CADM2: variants seen among roughly 807,000 people sequenced by gnomAD.
CADM2 encodes immunoglobulin superfamily member 4D.
In CADM2, 12 loss-of-function variants were observed where a neutral mutation model predicts 49.8. The ratio of observed to expected loss-of-function variants is 0.24; its 90% confidence interval spans 0.15 to 0.39. CADM2 has a LOEUF of 0.39. Ranked by LOEUF, CADM2 falls within the 10% of genes least tolerant of loss-of-function variation. The pLI, the probability that CADM2 is intolerant of heterozygous loss-of-function variation, is 1.00. For missense variants in CADM2, 378 were observed against 492.3 expected (o/e 0.77, Z 2.20); for synonymous variants, 214 against 175.4 (o/e 1.22, Z -1.74).
intron 2 of CADM2, among the ~76,000 whole-genome samples, chr3:85,766,631 AG>A (rs1176475097): frequency 6.6e-6 from 1 of 152,198 alleles, no homozygotes; most frequent in Non-Finnish European, 1.5e-5. Flanking sequence ...TTGCATAGGA[AG>A]GGAAAATAAA....
chr3:85,444,102 G>A (rs1315135113), intron 1 of CADM2, among the ~76,000 whole-genome samples: 1 of 151,946 alleles, frequency 6.6e-6, no homozygotes, highest in Admixed American at 6.6e-5. Flanking sequence ...AAATCTTATT[G>A]GCTCTGCTTT....
chr3:85,249,191 G>A lies in CADM2; in HGVS notation c.61+289523G>A, dbSNP rs538461466. ...CATTTGTAGTTTAATTAGTTCAAAT[G>A]TCTTCTGCCCCAAACCACATCTCTT... is the stretch of plus-strand genomic sequence containing the variant. On this transcript the variant is annotated intron_variant, in intron 1 of 9. Transcript: ENST00000383699. 4.5e-4 allele frequency among the ~76,000 whole-genome samples: 69 copies of A among 152,094 alleles called. 2 individuals carry two copies. The highest frequency in any genetic ancestry group is 8.2e-4 in the Non-Finnish European group (56 of 67,966).
At chr3:85,722,664 G>A (rs905289291) in intron 1 of CADM2, among the ~76,000 whole-genome samples, 1 of 152,140 alleles carries the variant, frequency 6.6e-6, no homozygotes, top group African/African-American at 2.4e-5. Context: ...TGCAAATAAT[G>A]TTAAAAATAT....
At chr3:85,583,815 TTTAAAGAGAA>T (rs985510231) in intron 1 of CADM2, among the ~76,000 whole-genome samples, 9 of 151,976 alleles carry the variant, frequency 5.9e-5, no homozygotes, top group Non-Finnish European at 1.3e-4. Context: ...ATTACATTTT[TTTAAAGAGAA>T]CCATTCAAAA....
chr3:85,592,042 A>T (rs1398368066), intron 1 of CADM2, among the ~76,000 whole-genome samples: 1 of 152,042 alleles, frequency 6.6e-6, no homozygotes, highest in Non-Finnish European at 1.5e-5. Context: ...GATGATTTTC[A>T]AATAAATATT....
At chr3:85,000,148 C>CTCTCTCTCTCTCTCTCTCT (rs11275888) in intron 1 of CADM2, among the ~76,000 whole-genome samples, 4 of 150,924 alleles carry the variant, frequency 2.7e-5, no homozygotes, top group Admixed American at 1.3e-4. Context: ...CTCTCTCTCT[C>CTCTCTCTCTCTCTCTCTCT]CCTGCCCCAG....
chr3:85,673,520 G>C (rs536164580), intron 1 of CADM2, among the ~76,000 whole-genome samples: 2 of 148,306 alleles, frequency 1.3e-5, no homozygotes, highest in Non-Finnish European at 3.0e-5. Flanking sequence ...GCCCAAAAAA[G>C]CCAAAATAAT....
At chr3:85,516,001 T>C (rs1247938725) in intron 1 of CADM2, among the ~76,000 whole-genome samples, 1 of 152,134 alleles carries the variant, frequency 6.6e-6, no homozygotes, top group East Asian at 1.9e-4. Flanking sequence ...GGAAAGGAAA[T>C]CAAATACAAC....
At chr3:85,714,873 A>G (rs908334984) in intron 1 of CADM2, among the ~76,000 whole-genome samples, 16 of 152,088 alleles carry the variant, frequency 1.1e-4, no homozygotes, top group African/African-American at 3.6e-4. Context: ...AGTACTAGTC[A>G]TCCATTATAA....
chr3:85,388,009 G>T (rs2034328793), intron 1 of CADM2, among the ~76,000 whole-genome samples: 1 of 152,138 alleles, frequency 6.6e-6, no homozygotes, highest in African/African-American at 2.4e-5. Flanking sequence ...TTTTCTTAGA[G>T]ACCCTGACAT....
chr3:85,521,822 T>C (rs970233887), intron 1 of CADM2, among the ~76,000 whole-genome samples: 1 of 152,064 alleles, frequency 6.6e-6, no homozygotes, highest in African/African-American at 2.4e-5. Context: ...GAAAAGGACA[T>C]AGAAAGCACT....
At chr3:85,414,414 C>T (rs1212405994) in intron 1 of CADM2, among the ~76,000 whole-genome samples, 6 of 152,138 alleles carry the variant, frequency 3.9e-5, no homozygotes, top group South Asian at 2.1e-4. Context: ...TTTAAATGGT[C>T]ATAGCAAGTA....
chr3:85,575,678 A>G (rs1221055201), intron 1 of CADM2, among the ~76,000 whole-genome samples: 1 of 152,262 alleles, frequency 6.6e-6, no homozygotes, highest in Non-Finnish European at 1.5e-5. Flanking sequence ...CTTAATGATT[A>G]TATGTGAAGA....
intron 5 of CADM2, among the ~76,000 whole-genome samples, chr3:85,908,167 G>C (rs1717050991): frequency 1.3e-5 from 2 of 150,466 alleles, no homozygotes; most frequent in Admixed American, 6.6e-5. Flanking sequence ...AGGAAAGATG[G>C]ATATGAAAGT....
chr3:86,012,401 A>C, intron 8 of CADM2, among the ~76,000 whole-genome samples: 1 of 152,168 alleles, frequency 6.6e-6, no homozygotes, highest in East Asian at 1.9e-4. Context: ...ACACACAATA[A>C]ATTACAATAA....
intron 8 of CADM2, chr3:86,014,040 G>A (rs35215849): frequency 0.17 from 222,273 of 1,329,766 alleles, 19,234 homozygotes; most frequent in South Asian, 0.23. Context: ...TTTAGAACTT[G>A]ACGATGTAAT....
At chr3:85,813,465 A>T (rs2073013525) in intron 3 of CADM2, among the ~76,000 whole-genome samples, 1 of 152,204 alleles carries the variant, frequency 6.6e-6, no homozygotes, top group Non-Finnish European at 1.5e-5. Flanking sequence ...TCAGAAGGAC[A>T]GATTGCAAAA....
intron 2 of CADM2, among the ~76,000 whole-genome samples, chr3:85,778,902 A>G (rs754733514): frequency 1.3e-5 from 2 of 152,286 alleles, no homozygotes; most frequent in East Asian, 3.9e-4. Context: ...CATACACTTT[A>G]TCTTCATTGT....
chr3:85,036,968 A>G (rs567157602), intron 1 of CADM2, among the ~76,000 whole-genome samples: 84 of 147,818 alleles, frequency 5.7e-4, no homozygotes, highest in Non-Finnish European at 2.5e-4. Context: ...CCTGACCAAC[A>G]TGGTGAAACC....
Sources: allele counts gnomAD v4.1 joint callset (sites outside exome capture counted in the v4.1 genomes callset), GRCh38; gene constraint gnomAD v4.1.1; transcripts MANE v1.5; gene names NCBI Gene and HGNC (gene_info 2026-07-23, HGNC 2026-07-21).